Variants in RAB11FIP5 observed in about 807,000 individuals in gnomAD.
RAB11FIP5 encodes RAB11 family interacting protein 5.
A neutral mutation model predicts 85.1 loss-of-function variants in RAB11FIP5; 48 were observed. That is an observed-to-expected ratio of 0.56 (90% CI 0.45 to 0.72). The LOEUF is 0.72. RAB11FIP5 is among the 30% of genes least tolerant of loss of function. The probability of loss-of-function intolerance (pLI) is 0.00; values close to 1 mark genes in which losing one functional copy is unlikely to be tolerated. For missense variants in RAB11FIP5, 1,491 were observed against 1,687.0 expected, an observed-to-expected ratio of 0.88 and a Z score of 2.04; for synonymous variants, 729 against 727.3, an observed-to-expected ratio of 1.00 and a Z score of -0.04.
intron 3 of RAB11FIP5, among the ~76,000 whole-genome samples, chr2:73,087,221 C>T (rs1292666076): frequency 6.6e-6 from 1 of 152,218 alleles, no homozygotes; most frequent in African/African-American, 2.4e-5. Context: ...GTGCGACACA[C>T]ACTTCTGTGA....
rs1005688226 is a variant in RAB11FIP5 at position 73,074,859 on chromosome 2, A to C, written c.*662T>G. On this transcript the variant is annotated 3_prime_UTR_variant, in exon 6 of 6. Transcript: ENST00000486777. ...CACTCGTGGAAAGGTCAGAGGGGTC[A>C]GGGAGCAGCCTGAAGCACACACATC... 1 of 265,034 alleles carries C rather than the reference A, an allele frequency of 3.8e-6. No individual in the cohort carries two copies. The highest frequency in any genetic ancestry group is 2.2e-5 in the African/African-American group (1 of 45,748). 16.4% of individuals were successfully genotyped at this position (265,034 alleles called of 1,614,324 possible). A position where few individuals can be genotyped will look rare whatever the true frequency, so the allele number is the denominator to read the frequency against.
chr2:73,079,986 C>G lies in RAB11FIP5; in HGVS notation c.3246G>C (p.Pro1082=), dbSNP rs1378827707. 1 of 1,232,134 alleles carries G rather than the reference C, an allele frequency of 8.1e-7. No individual in the cohort carries two copies. The highest frequency in any genetic ancestry group is 1.0e-6 in the Non-Finnish European group (1 of 988,018). The allele number at this position is 1,232,134 out of a possible 1,614,324, so 76.3% of individuals were successfully genotyped here. A position where few individuals can be genotyped will look rare whatever the true frequency, so the allele number is the denominator to read the frequency against. Residue 1082 remains proline, a synonymous_variant, in exon 4 of 6, where the codon CCG becomes CCC. Transcript: ENST00000486777. ...RDPPSLSSAS[P]PGSRESSIHS... ...GAATAGAAGATTCCCTCGACCCTGG[C>G]GGGGATGCAGATGAGAGGCTGGGAG...
intron 1 of RAB11FIP5, 75 bp downstream of exon 1, chr2:73,112,272 C>CG (rs1467276612): frequency 2.9e-6 from 4 of 1,382,340 alleles, no homozygotes; most frequent in Non-Finnish European, 3.8e-6. Flanking sequence ...GGCTGAAGTT[C>CG]GGGGTCCTGA....
intron 1 of RAB11FIP5, among the ~76,000 whole-genome samples, chr2:73,097,527 G>A (rs893558253): frequency 2.6e-5 from 4 of 152,200 alleles, no homozygotes; most frequent in African/African-American, 7.2e-5. Flanking sequence ...CTTAACAGTG[G>A]ACACTCAAAT....
At position 73,079,802 on chromosome 2, in the gene RAB11FIP5, G is replaced by T; in HGVS notation, c.3430C>A (p.Pro1144Thr). The T allele has an allele frequency of 8.1e-7, 1 of 1,232,400 alleles. No homozygotes were observed. The allele number at this position is 1,232,400 out of a possible 1,614,324, so 76.3% of individuals were successfully genotyped here. The change falls in exon 4 of 6, where the codon CCA becomes ACA. Residue 1144 changes from proline to threonine, a missense_variant. Pro to Thr is a conservative substitution (Grantham distance 38). This residue lies in a region of RAB11FIP5 where 232 missense variants were observed against 259.1 expected (regional missense o/e 0.90). Transcript: ENST00000486777. ...TCATGGGGGCCAGGGAGTAAGGCTGGCTCCCCTGGTGGTGCAGAGGAGGTA... is the reference window on the plus strand; with the variant it reads ...TCATGGGGGCCAGGGAGTAAGGCTGTCTCCCCTGGTGGTGCAGAGGAGGTA... ...LTTSSAPPGE[P>T]ALLPGPHEPS...
chr2:73,110,485 C>CG (rs375613614), intron 1 of RAB11FIP5, among the ~76,000 whole-genome samples: 41 of 152,066 alleles, frequency 2.7e-4, no homozygotes, highest in African/African-American at 9.4e-4. Context: ...CTGTTCCCCC[C>CG]CCGGTTCTAT....
chr2:73,087,816 C>T lies in RAB11FIP5; in HGVS notation c.1568+234G>A, dbSNP rs112456200. On this transcript the variant is annotated intron_variant, in intron 3 of 5. Coordinates refer to ENST00000486777, the MANE Select transcript of RAB11FIP5 (RefSeq NM_001371272.1). ...GCAGCAAGGCCTAGGGCTGAGAAGT[C>T]GGACCCCTCAATCCATAGGACTCTC... Among the ~76,000 whole-genome samples, 971 of 152,272 alleles carry T rather than the reference C, an allele frequency of 6.4e-3. 15 individuals are homozygous for T. Among genetic ancestry groups the T allele is most frequent in the African/African-American group, 0.02 (834 of 41,540 alleles).
chr2:73,088,785 G>A (rs1684146617), intron 2 of RAB11FIP5, 36 bp from the exon 3 acceptor site: 1 of 1,544,902 alleles, frequency 6.5e-7, no homozygotes, highest in Non-Finnish European at 8.7e-7. Flanking sequence ...CTCGCAGGAA[G>A]AGAGGCCCCA....
Position 73,076,161 on chromosome 2 carries a change from G to A in RAB11FIP5, c.3603C>T (p.Leu1201=), listed in dbSNP as rs1683857474. Residue 1201 remains leucine (L), a synonymous_variant, in exon 5 of 6, where the codon CTC becomes CTT. Transcript: ENST00000486777. The part of the protein sequence containing the change: ...PSASPHPVKP[L]SAAPVEGSPD... ...GGCTGCCCTCCACAGGGGCGGCACT[G>A]AGGGGCTTCACGGGGTGGGGACTGC... 6.2e-7 allele frequency: 1 copy of A among 1,611,772 alleles called. No homozygotes were observed. Among genetic ancestry groups the A allele is most frequent in the East Asian group, 2.2e-5 (1 of 44,856 alleles).
At chr2:73,110,479 T>TCCCC (rs371852247) in intron 1 of RAB11FIP5, among the ~76,000 whole-genome samples, 6 of 150,360 alleles carry the variant, frequency 4.0e-5, no homozygotes, top group Non-Finnish European at 3.0e-5. Flanking sequence ...CCACTCCTGT[T>TCCCC]CCCCCCCCGG....
chr2:73,110,059 G>GAC (rs1684608734), intron 1 of RAB11FIP5, among the ~76,000 whole-genome samples: 1 of 152,200 alleles, frequency 6.6e-6, no homozygotes, highest in Non-Finnish European at 1.5e-5. Context: ...ACTGGGATCT[G>GAC]TCCAGTGCCA....
At chr2:73,107,645 C>T (rs774442730) in intron 1 of RAB11FIP5, among the ~76,000 whole-genome samples, 2 of 152,182 alleles carry the variant, frequency 1.3e-5, no homozygotes, top group Non-Finnish European at 2.9e-5. Flanking sequence ...TACCCCGCCC[C>T]ACACCCCAAG....
At chr2:73,093,739 C>G (rs1256462644) in intron 1 of RAB11FIP5, among the ~76,000 whole-genome samples, 5 of 152,232 alleles carry the variant, frequency 3.3e-5, no homozygotes, top group African/African-American at 1.2e-4. Flanking sequence ...TCTCCCACGA[C>G]CGTGAGCTCT....
Position 73,074,600 on chromosome 2 carries a change from C to T in RAB11FIP5, c.*921G>A, listed in dbSNP as rs747594369. ...GGTCGACATCCAGGGGCTCTTGACC[C>T]CGCCCACCAAAGGCACATTTTAATT... On this transcript the variant is annotated 3_prime_UTR_variant, in exon 6 of 6. Coordinates refer to ENST00000486777, the MANE Select transcript of RAB11FIP5 (RefSeq NM_001371272.1). 1.3e-5 allele frequency: 2 copies of T among 155,564 alleles called. No homozygotes were observed. Among genetic ancestry groups the T allele is most frequent in the Admixed American group, 6.3e-5 (1 of 15,968 alleles). The allele number at this position is 155,564 out of a possible 1,614,324, so 9.6% of individuals were successfully genotyped here.
Position 73,112,788 on chromosome 2 carries a change from C to A in RAB11FIP5, c.-11G>T. The stretch of plus-strand genomic sequence containing the variant: ...CCGCACCAGGGCCATGGCGGAGAAG[C>A]GGGGGGCGAGGTCTGGCCGAGCCGG... On this transcript the variant is annotated 5_prime_UTR_variant, in exon 1 of 6. Transcript: ENST00000486777. The A allele has an allele frequency of 7.1e-7, 1 of 1,418,330 alleles. No homozygotes were observed. Among genetic ancestry groups the A allele is most frequent in the Admixed American group, 3.1e-5 (1 of 31,986 alleles). 87.9% of individuals were successfully genotyped at this position (1,418,330 alleles called of 1,614,324 possible). A position where few individuals can be genotyped will look rare whatever the true frequency, so the allele number is the denominator to read the frequency against.
At chr2:73,098,122 C>T (rs1324785262) in intron 1 of RAB11FIP5, among the ~76,000 whole-genome samples, 2 of 152,196 alleles carry the variant, frequency 1.3e-5, no homozygotes, top group African/African-American at 2.4e-5. Flanking sequence ...CAGCCCACCA[C>T]GTGCTGGCTG....
At chr2:73,099,938 G>A (rs1223118654) in intron 1 of RAB11FIP5, among the ~76,000 whole-genome samples, 4 of 152,244 alleles carry the variant, frequency 2.6e-5, no homozygotes, top group African/African-American at 9.6e-5. Flanking sequence ...AAAGCTGACT[G>A]TTGTAGGAAT....
chr2:73,098,647 T>G (rs1684370199), intron 1 of RAB11FIP5, among the ~76,000 whole-genome samples: 1 of 152,084 alleles, frequency 6.6e-6, no homozygotes, highest in Non-Finnish European at 1.5e-5. Context: ...CCTCTGCAAG[T>G]ACAACACACA....
In RAB11FIP5 at chr2:73,112,893, C is replaced by CGGGCT. The variant is rs1200855938; in HGVS notation, c.-121_-117dup. The CGGGCT allele has an allele frequency of 9.7e-6, 10 of 1,033,560 alleles. No individual in the cohort carries two copies. In the African/African-American group the frequency reaches 1.0e-4, roughly 11 times the overall value. The allele number at this position is 1,033,560 out of a possible 1,614,324, so 64.0% of individuals were successfully genotyped here. A position where few individuals can be genotyped will look rare whatever the true frequency, so the allele number is the denominator to read the frequency against. On this transcript the variant is annotated 5_prime_UTR_variant, in exon 1 of 6. Coordinates refer to ENST00000486777, the MANE Select transcript of RAB11FIP5 (RefSeq NM_001371272.1). Reference sequence around the variant, plus strand: ...CCAACTCTGAGCGCCGCCGCAGCTGCGGGCTGGGCTGGGCCGGGCCGACCG... The same window carrying CGGGCT: ...CCAACTCTGAGCGCCGCCGCAGCTGCGGGCTGGGCTGGGCTGGGCCGGGCCGACCG...
Sources: gnomAD v4.1 joint callset for allele counts (sites outside exome capture counted in the v4.1 genomes callset) on GRCh38, gnomAD v4.1.1 for gene constraint, gnomAD v4.1.1 regional missense constraint, MANE v1.5 for transcripts, NCBI Gene and HGNC (gene_info 2026-07-23, HGNC 2026-07-21) for gene names.